SLC9B1: variants seen among roughly 807,000 people sequenced by gnomAD.
SLC9B1 encodes solute carrier family 9 member B1.
SLC9B1 carries 32 observed loss-of-function variants against 51.7 expected under a neutral mutation model. That is an observed-to-expected ratio of 0.62 (90% CI 0.47 to 0.83). SLC9B1 has a LOEUF of 0.83. Ranked by LOEUF, SLC9B1 falls within the 40% of genes least tolerant of loss-of-function variation. The pLI is 0.00. For missense variants in SLC9B1, 406 were observed against 613.2 expected, an observed-to-expected ratio of 0.66 and a Z score of 3.57; for synonymous variants, 145 against 212.7, an observed-to-expected ratio of 0.68 and a Z score of 2.77.
rs533489677 is a variant in SLC9B1, at chr4:103,014,672, A to T, written c.-2+4927T>A. ...AGATAAATATTTTATACCATCAATT[A>T]TTGGATTTTAAATACATACTAAATA... On this transcript the variant is annotated intron_variant, in intron 1 of 11. Coordinates refer to ENST00000296422, the MANE Select transcript of SLC9B1 (RefSeq NM_139173.4). 3.3e-5 allele frequency among the ~76,000 whole-genome samples: 5 copies of T among 152,214 alleles called. No individual in the cohort carries two copies. The South Asian group carries it at 6.2e-4, about 19-fold the overall frequency.
chr4:102,942,384 A>G (rs1737049096), intron 6 of SLC9B1, among the ~76,000 whole-genome samples: 1 of 152,234 alleles, frequency 6.6e-6, no homozygotes, highest in Non-Finnish European at 1.5e-5. Flanking sequence ...AGACTAAGCA[A>G]AAAGAACAAA....
intron 7 of SLC9B1, among the ~76,000 whole-genome samples, chr4:102,912,684 C>T (rs1191130049): frequency 6.6e-6 from 1 of 151,988 alleles, no homozygotes; most frequent in Admixed American, 6.6e-5. Flanking sequence ...AGTTTGAGAC[C>T]AGCTTGGGCA....
intron 7 of SLC9B1, among the ~76,000 whole-genome samples, chr4:102,929,503 G>C (rs185398011): frequency 3.3e-5 from 5 of 152,242 alleles, no homozygotes; most frequent in Admixed American, 2.0e-4. Context: ...TGGCATAGTA[G>C]CCGGCAAAAG....
At chr4:102,952,835 A>G (rs1258749711) in intron 3 of SLC9B1, among the ~76,000 whole-genome samples, 1 of 53,654 alleles carries the variant, frequency 1.9e-5, no homozygotes, top group Non-Finnish European at 3.4e-5. Flanking sequence ...TTTTCTTGTA[A>G]ATTTGTTTGA....
chr4:102,984,379 GT>G (rs1434682727), intron 3 of SLC9B1, among the ~76,000 whole-genome samples: 2 of 152,188 alleles, frequency 1.3e-5, no homozygotes, highest in African/African-American at 4.8e-5. Flanking sequence ...GCCTAGCAGA[GT>G]ACTGGGATTA....
intron 3 of SLC9B1, among the ~76,000 whole-genome samples, chr4:102,950,645 C>G (rs960907596): frequency 6.6e-6 from 1 of 152,198 alleles, no homozygotes; most frequent in African/African-American, 2.4e-5. Context: ...CTCCTCCCCT[C>G]TGATTATTGT....
At chr4:102,940,061 C>T (rs1736914324) in intron 6 of SLC9B1, among the ~76,000 whole-genome samples, 1 of 152,162 alleles carries the variant, frequency 6.6e-6, no homozygotes, top group Non-Finnish European at 1.5e-5. Context: ...GGAAGCCAAA[C>T]TATGCCTCTT....
intron 3 of SLC9B1, among the ~76,000 whole-genome samples, chr4:102,978,204 A>G (rs1739176122): frequency 6.6e-6 from 1 of 152,132 alleles, no homozygotes. Context: ...AATCCAGTCT[A>G]TCATTGTTGG....
chr4:102,894,835 C>G (rs770574130), intron 11 of SLC9B1, among the ~76,000 whole-genome samples: 24 of 152,020 alleles, frequency 1.6e-4, no homozygotes, highest in East Asian at 1.5e-3. Flanking sequence ...GCTTATAGAA[C>G]CAGGTACTTG....
At chr4:102,910,705 A>C (rs1262524984) in intron 8 of SLC9B1, 117 bp from the exon 9 acceptor site, 6 of 462,842 alleles carry the variant, frequency 1.3e-5, no homozygotes, top group Admixed American at 4.8e-5. Flanking sequence ...GTTATATTAA[A>C]TGTCTAAAAT....
At chr4:102,915,439 G>C (rs1221848942) in intron 7 of SLC9B1, among the ~76,000 whole-genome samples, 1 of 152,012 alleles carries the variant, frequency 6.6e-6, no homozygotes, top group Non-Finnish European at 1.5e-5. Context: ...CTGTTGCCCA[G>C]GCTGGAGTGC....
chr4:103,019,011 G>C (rs1741582253), intron 1 of SLC9B1, among the ~76,000 whole-genome samples: 1 of 152,158 alleles, frequency 6.6e-6, no homozygotes, highest in African/African-American at 2.4e-5. Flanking sequence ...ATCTGAGATA[G>C]AAGAGTGTCA....
At chr4:102,936,888 G>A (rs1736749249) in intron 6 of SLC9B1, among the ~76,000 whole-genome samples, 1 of 152,060 alleles carries the variant, frequency 6.6e-6, no homozygotes, top group Non-Finnish European at 1.5e-5. Flanking sequence ...TTAAATCCAG[G>A]AAATGCAGAG....
At chr4:103,013,302 C>T (rs1560532410) in intron 1 of SLC9B1, among the ~76,000 whole-genome samples, 1 of 152,208 alleles carries the variant, frequency 6.6e-6, no homozygotes, top group South Asian at 2.1e-4. Flanking sequence ...AATAAAGCTT[C>T]CTGCAATGCA....
chr4:102,967,716 C>T (rs185745198), intron 3 of SLC9B1, among the ~76,000 whole-genome samples: 4 of 152,260 alleles, frequency 2.6e-5, no homozygotes, highest in Non-Finnish European at 4.4e-5. Context: ...TCCCAAGACC[C>T]AAACACTTCC....
chr4:102,966,905 C>T (rs960698129), intron 3 of SLC9B1, among the ~76,000 whole-genome samples: 7 of 152,176 alleles, frequency 4.6e-5, no homozygotes, highest in African/African-American at 1.7e-4. Context: ...TAAGAAGTAA[C>T]TACATAGCTG....
chr4:102,935,987 C>A (rs1736703271), intron 6 of SLC9B1, among the ~76,000 whole-genome samples: 8 of 152,182 alleles, frequency 5.3e-5, no homozygotes, highest in Admixed American at 5.2e-4. Flanking sequence ...GACCTTGCTA[C>A]AATCACTACA....
At chr4:102,954,396 G>A (rs1737672839) in intron 3 of SLC9B1, among the ~76,000 whole-genome samples, 1 of 88,172 alleles carries the variant, frequency 1.1e-5, no homozygotes, top group Non-Finnish European at 2.1e-5. Context: ...GAGGATTTTT[G>A]CATCAATGTT....
chr4:102,958,032 G>C (rs1737897226), intron 3 of SLC9B1, among the ~76,000 whole-genome samples: 1 of 152,188 alleles, frequency 6.6e-6, no homozygotes, highest in African/African-American at 2.4e-5. Context: ...AGTATTGCTT[G>C]AGGCTAGGAG....
Sources: gnomAD v4.1 joint callset for allele counts (sites outside exome capture counted in the v4.1 genomes callset) on GRCh38, gnomAD v4.1.1 for gene constraint, MANE v1.5 for transcripts, NCBI Gene and HGNC (gene_info 2026-07-23, HGNC 2026-07-21) for gene names.